Variants in RBM47 observed in about 807,000 individuals in gnomAD.
RBM47 encodes RNA-binding protein 47.
RBM47 carries 21 observed loss-of-function variants against 47.1 expected under a neutral mutation model. That is an observed-to-expected ratio of 0.45 (90% CI 0.32 to 0.64). The LOEUF (loss-of-function observed/expected upper bound fraction) is 0.64, where lower values mean the gene tolerates loss of function less well. Ranked by LOEUF, RBM47 falls within the 30% of genes least tolerant of loss-of-function variation. The pLI is 0.05. For missense variants in RBM47, 708 were observed against 870.9 expected (o/e 0.81, Z 2.35); for synonymous variants, 375 against 361.7 (o/e 1.04, Z -0.42).
chr4:40,530,206 G>A (rs1408065258), intron 2 of RBM47, among the ~76,000 whole-genome samples: 1 of 151,942 alleles, frequency 6.6e-6, no homozygotes, highest in Non-Finnish European at 1.5e-5. Context: ...AAAGTGCTGG[G>A]ATTACAGGTG....
At chr4:40,568,704 A>G (rs184019165) in intron 1 of RBM47, among the ~76,000 whole-genome samples, 1 of 151,964 alleles carries the variant, frequency 6.6e-6, no homozygotes, top group East Asian at 1.9e-4. Flanking sequence ...AGATATTAAA[A>G]CACAGTAGAA....
At chr4:40,558,363 T>C (rs1284493721) in intron 1 of RBM47, among the ~76,000 whole-genome samples, 2 of 152,018 alleles carry the variant, frequency 1.3e-5, no homozygotes, top group Non-Finnish European at 2.9e-5. Flanking sequence ...CAATCATTTA[T>C]TGAATGAGTA....
chr4:40,432,758 G>A lies in RBM47; in HGVS notation c.1435C>T (p.Pro479Ser), dbSNP rs779218041. Reference protein sequence around the residue: ...KIHTVEHMISPIAVQPDPASA... With the variant: ...KIHTVEHMISSIAVQPDPASA... Reference sequence around the variant, plus strand: ...GCTGGGTCTGGCTGCACAGCAATGGGGCTGATCATGTGCTCCACTGTGTGG... The same window carrying A: ...GCTGGGTCTGGCTGCACAGCAATGGAGCTGATCATGTGCTCCACTGTGTGG... The change falls in exon 6 of 7, where the codon CCC (proline) becomes TCC (serine). Residue 479 changes from proline (P) to serine (S), a missense_variant. By Grantham distance (74) the Pro-to-Ser change is moderately conservative. Transcript: ENST00000295971. 16 of 1,613,340 alleles carry A rather than the reference G, an allele frequency of 9.9e-6. No individual in the cohort carries two copies. The highest frequency in any genetic ancestry group is 1.4e-5 in the Non-Finnish European group (16 of 1,179,854).
At chr4:40,579,423 G>GGAAA (rs1553904315) in intron 1 of RBM47, among the ~76,000 whole-genome samples, 4 of 102,010 alleles carry the variant, frequency 3.9e-5, no homozygotes, top group East Asian at 5.7e-4. Flanking sequence ...CCCTGTCTCA[G>GGAAA]AAAAAAAAAA....
chr4:40,520,588 A>C (rs1470581363), intron 2 of RBM47, among the ~76,000 whole-genome samples: 1 of 152,194 alleles, frequency 6.6e-6, no homozygotes, highest in East Asian at 1.9e-4. Context: ...GAAATAGTAG[A>C]GGAGAAAGGA....
At chr4:40,538,640 T>C (rs1324447321) in intron 2 of RBM47, among the ~76,000 whole-genome samples, 1 of 151,184 alleles carries the variant, frequency 6.6e-6, no homozygotes, top group African/African-American at 2.4e-5. Context: ...TGTTTTTTGT[T>C]TGTTTGTTTG....
Position 40,429,688 on chromosome 4 carries a change from CAAAAAAAAAAAAAA to C in RBM47, c.1542+2949_1542+2962del, listed in dbSNP as rs60673202. 5.2e-4 allele frequency among the ~76,000 whole-genome samples: 20 copies of C among 38,104 alleles called. No homozygotes were observed. The South Asian group carries it at 0.018, about 34-fold the overall frequency. The allele number at this position is 38,104 out of a possible 152,430, so 25.0% of individuals were successfully genotyped here. A position where few individuals can be genotyped will look rare whatever the true frequency, so the allele number is the denominator to read the frequency against. On this transcript the variant is annotated intron_variant, in intron 6 of 6. Transcript: ENST00000295971. ...TGGGTGACAAAGTGAGACTCCATCT[CAAAAAAAAAAAAAA>C]AAAAAAAAAAAAAAAGTGCCTCTAA...
intron 2 of RBM47, among the ~76,000 whole-genome samples, chr4:40,499,516 T>C (rs1164338475): frequency 6.6e-6 from 1 of 152,200 alleles, no homozygotes; most frequent in Non-Finnish European, 1.5e-5. Context: ...TTCAAGTGAT[T>C]CGCCTGCCTC....
At chr4:40,602,900 C>T (rs1300563130) in intron 1 of RBM47, among the ~76,000 whole-genome samples, 1 of 151,654 alleles carries the variant, frequency 6.6e-6, no homozygotes, top group Non-Finnish European at 1.5e-5. Flanking sequence ...TAAGAGAGTA[C>T]CCCAGGCCAG....
At chr4:40,600,338 A>C (rs913806282) in intron 1 of RBM47, among the ~76,000 whole-genome samples, 4 of 152,060 alleles carry the variant, frequency 2.6e-5, no homozygotes, top group African/African-American at 9.7e-5. Flanking sequence ...AATTGATACT[A>C]TTCTTGAAAG....
At chr4:40,436,177 A>AC (rs11452584) in intron 5 of RBM47, among the ~76,000 whole-genome samples, 6,982 of 53,118 alleles carry the variant, frequency 0.13, 204 homozygotes, top group Middle Eastern at 0.18. Flanking sequence ...GTCTCAAAAA[A>AC]AAAAAAAAAC....
At chr4:40,434,231 T>C (rs1284009351) in intron 5 of RBM47, among the ~76,000 whole-genome samples, 2 of 152,188 alleles carry the variant, frequency 1.3e-5, no homozygotes. Flanking sequence ...ATCTTTTACC[T>C]GCCTTTCCAA....
At chr4:40,601,248 T>C (rs1397873094) in intron 1 of RBM47, among the ~76,000 whole-genome samples, 2 of 152,194 alleles carry the variant, frequency 1.3e-5, no homozygotes, top group African/African-American at 4.8e-5. Context: ...CTTGCTCAAC[T>C]GTAAAATAGA....
intron 3 of RBM47, among the ~76,000 whole-genome samples, chr4:40,462,450 C>T (rs944995795): frequency 4.6e-5 from 7 of 152,102 alleles, no homozygotes; most frequent in Admixed American, 3.3e-4. Flanking sequence ...ACCTACATAA[C>T]ACCCACATGC....
chr4:40,578,779 G>A (rs559854173), intron 1 of RBM47, among the ~76,000 whole-genome samples: 3 of 152,306 alleles, frequency 2.0e-5, no homozygotes, highest in East Asian at 1.9e-4. Flanking sequence ...AAGGGGTAAC[G>A]CACACAAAGT....
At chr4:40,461,910 G>C (rs1335351646) in intron 3 of RBM47, among the ~76,000 whole-genome samples, 1 of 150,464 alleles carries the variant, frequency 6.6e-6, no homozygotes, top group African/African-American at 2.4e-5. Context: ...ACTCCAGCCT[G>C]GGTGACAAGA....
At chr4:40,479,101 A>G (rs1052990539) in intron 2 of RBM47, among the ~76,000 whole-genome samples, 10 of 152,250 alleles carry the variant, frequency 6.6e-5, no homozygotes, top group African/African-American at 2.4e-4. Flanking sequence ...ATTAACCAGT[A>G]TTGAAAAACA....
intron 1 of RBM47, among the ~76,000 whole-genome samples, chr4:40,568,224 G>A (rs987149444): frequency 6.6e-6 from 1 of 151,518 alleles, no homozygotes; most frequent in Non-Finnish European, 1.5e-5. Flanking sequence ...TCAGAAGTTC[G>A]AGACCAGCCT....
At chr4:40,626,641 C>T (rs28522436) in intron 1 of RBM47, among the ~76,000 whole-genome samples, 6 of 152,242 alleles carry the variant, frequency 3.9e-5, no homozygotes, top group Non-Finnish European at 4.4e-5. Context: ...GCAAAAGATA[C>T]GAGAACCTTA....
Sources: gnomAD v4.1 joint callset for allele counts (sites outside exome capture counted in the v4.1 genomes callset) on GRCh38, gnomAD v4.1.1 for gene constraint, MANE v1.5 for transcripts, NCBI Gene and HGNC (gene_info 2026-07-23, HGNC 2026-07-21) for gene names.